C6orf132: variants seen among roughly 807,000 people sequenced by gnomAD.
The protein encoded by C6orf132 is chromosome 6 open reading frame 132, also known as uncharacterized protein C6orf132.
A neutral mutation model predicts 65.3 loss-of-function variants in C6orf132; 43 were observed. The observed-to-expected ratio is 0.66, with a 90% CI of 0.52 to 0.85. C6orf132 has a LOEUF of 0.85. Among genes scored for constraint, C6orf132 ranks in the 40% least tolerant of loss-of-function variants. The probability of loss-of-function intolerance (pLI) is 0.00; values close to 1 mark genes in which losing one functional copy is unlikely to be tolerated. For synonymous variants in C6orf132, 631 were observed against 654.1 expected (o/e 0.96, Z 0.54); for missense variants, 1,488 against 1,548.8 (o/e 0.96, Z 0.66).
At chr6:42,128,864 T>C in intron 1 of C6orf132, 86 bp from the exon 2 acceptor site, 1 of 959,338 alleles carries the variant, frequency 1.0e-6, no homozygotes, top group East Asian at 2.7e-5. Context: ...CAGCTCCCAG[T>C]GAGGAAAGCC....
chr6:42,121,473 T>C (rs2127476885), intron 2 of C6orf132, among the ~76,000 whole-genome samples: 1 of 152,352 alleles, frequency 6.6e-6, no homozygotes, highest in South Asian at 2.1e-4. Flanking sequence ...GCTCACCTGT[T>C]GCACCCCTGA....
chr6:42,123,944 G>A (rs1043757215), intron 2 of C6orf132, among the ~76,000 whole-genome samples: 2 of 152,242 alleles, frequency 1.3e-5, no homozygotes, highest in African/African-American at 4.8e-5. Context: ...AGAGGCGGAA[G>A]CAGAGCTCAA....
In C6orf132 at chr6:42,122,799, G is replaced by C. The variant is rs899522663; in HGVS notation, c.252+5873C>G. Among the ~76,000 whole-genome samples, 11 of 152,268 alleles carry C rather than the reference G, an allele frequency of 7.2e-5. No individual in the cohort carries two copies. In the South Asian group the frequency reaches 2.3e-3, roughly 32 times the overall value. ...TCTTCAGCAGCAAGGACTAAGGGAG[G>C]GGTGCAGGGCAGGCGAGGCCTCCTG... On this transcript the variant is annotated intron_variant, in intron 2 of 4. Coordinates refer to ENST00000341865, the MANE Select transcript of C6orf132 (RefSeq NM_001164446.3).
chr6:42,119,875 C>T (rs1316323829), intron 2 of C6orf132, among the ~76,000 whole-genome samples: 1 of 151,886 alleles, frequency 6.6e-6, no homozygotes, highest in Non-Finnish European at 1.5e-5. Flanking sequence ...GTGGGCTGAT[C>T]ACCTGAGGTT....
chr6:42,117,923 CAAA>C (rs556142891), intron 2 of C6orf132, among the ~76,000 whole-genome samples: 145 of 62,332 alleles, frequency 2.3e-3, no homozygotes, highest in Middle Eastern at 0.015. Context: ...AACCCTGTCA[CAAA>C]AAAAAAAAAA....
At position 42,106,021 on chromosome 6, in the gene C6orf132, G is replaced by A. The variant is rs34879933; in HGVS notation, c.1891C>T (p.Leu631Phe). The A allele has an allele frequency of 0.024, 36,449 of 1,537,222 alleles. 602 individuals are homozygous for A. Among genetic ancestry groups the A allele is most frequent in the South Asian group, 0.033 (2,740 of 84,060 alleles). The change falls in exon 4 of 5, where the codon CTC (leucine) becomes TTC (phenylalanine). Residue 631 changes from leucine to phenylalanine, a missense_variant. Leu to Phe is a conservative substitution (Grantham distance 22, BLOSUM62 0). Coordinates refer to ENST00000341865, the MANE Select transcript of C6orf132 (RefSeq NM_001164446.3). ...QSTTLLPTTS[L>F]QPKAMLGPAI... ...GGTCCCAACATAGCCTTGGGCTGGAGTGATGTAGTTGGCAGCAGGGTGGTG... is the reference window on the plus strand; with the variant it reads ...GGTCCCAACATAGCCTTGGGCTGGAATGATGTAGTTGGCAGCAGGGTGGTG...
intron 1 of C6orf132, among the ~76,000 whole-genome samples, chr6:42,133,795 A>G (rs1766893950): frequency 3.5e-5 from 3 of 86,004 alleles, no homozygotes; most frequent in African/African-American, 1.4e-4. Context: ...CTCCCTAACA[A>G]TTTCTCCCTC....
chr6:42,103,353 T>C lies in C6orf132; in HGVS notation c.*408A>G, dbSNP rs1211361668. On this transcript the variant is annotated 3_prime_UTR_variant, in exon 5 of 5. Transcript: ENST00000341865. The stretch of plus-strand genomic sequence containing the variant: ...AGGGCCTGACAGGCAATCACAGCTA[T>C]CTCGATGGGTTCCAGTTCAGTCAGT... 2 of 397,368 alleles carry C rather than the reference T, an allele frequency of 5.0e-6. No homozygotes were observed. The highest frequency in any genetic ancestry group is 4.1e-5 in the African/African-American group (2 of 48,636). 24.6% of individuals were successfully genotyped at this position (397,368 alleles called of 1,614,324 possible). A position where few individuals can be genotyped will look rare whatever the true frequency, so the allele number is the denominator to read the frequency against.
chr6:42,112,739 T>C (rs1013080073), intron 2 of C6orf132, among the ~76,000 whole-genome samples: 1 of 152,206 alleles, frequency 6.6e-6, no homozygotes, highest in Non-Finnish European at 1.5e-5. Context: ...GACCATGTCT[T>C]ATGGTATCCC....
chr6:42,142,011 G>A (rs952890487), intron 1 of C6orf132, among the ~76,000 whole-genome samples: 56 of 152,174 alleles, frequency 3.7e-4, no homozygotes, highest in African/African-American at 1.0e-3. Context: ...CCAAGAGGGG[G>A]AATTAAACAC....
At chr6:42,138,817 G>A (rs1038753509) in intron 1 of C6orf132, among the ~76,000 whole-genome samples, 3 of 144,032 alleles carry the variant, frequency 2.1e-5, no homozygotes, top group Non-Finnish European at 3.0e-5. Context: ...TGGGATTTGC[G>A]AAGATCCACA....
chr6:42,104,485 C>T lies in C6orf132; in HGVS notation c.3427G>A (p.Gly1143Ser), dbSNP rs1034061731. 3 of 1,231,596 alleles carry T rather than the reference C, an allele frequency of 2.4e-6. No individual in the cohort carries two copies. The highest frequency in any genetic ancestry group is 3.0e-6 in the Non-Finnish European group (3 of 988,138). 76.3% of individuals were successfully genotyped at this position (1,231,596 alleles called of 1,614,324 possible). A position where few individuals can be genotyped will look rare whatever the true frequency, so the allele number is the denominator to read the frequency against. The stretch of plus-strand genomic sequence containing the variant: ...CACCTGCCGGCAGCTGGGGCGAAGC[C>T]GTAGTCGGCGCTGCCGGGCGCTTTG... ...KHKAPGSADY[G>S]FAPAAGRSPY... The change falls in exon 4 of 5, where the codon GGC becomes AGC. Residue 1143 changes from glycine (G) to serine (S), a missense_variant. Coordinates refer to ENST00000341865, the MANE Select transcript of C6orf132 (RefSeq NM_001164446.3). This position sits in a 1 kb window ranked among gnomAD's most constrained non-coding sequence, Gnocchi z 4.1.
chr6:42,110,277 G>C lies in C6orf132; in HGVS notation c.267C>G (p.Asn89Lys). The stretch of plus-strand genomic sequence containing the variant: ...AGGGGGTGGGCACAGCCAGCCCATG[G>C]TTTTCCTGGGCATTCTGAAAGAGAC... Reference protein sequence around the residue: ...LTFLPLNAQENHGLAVPTPSV... With the variant: ...LTFLPLNAQEKHGLAVPTPSV... Residue 89 changes from asparagine to lysine, a missense_variant, in exon 3 of 5, where the codon AAC (asparagine) becomes AAG (lysine). Asn to Lys is a moderately conservative substitution (Grantham distance 94). Transcript: ENST00000341865. 6.5e-7 allele frequency: 1 copy of C among 1,548,984 alleles called. No individual in the cohort carries two copies. The highest frequency in any genetic ancestry group is 8.7e-7 in the Non-Finnish European group (1 of 1,146,012).
rs1435560315 is a variant in C6orf132 at position 42,105,599 on chromosome 6, G to A, written c.2313C>T (p.Pro771=). The A allele has an allele frequency of 2.0e-6, 3 of 1,536,888 alleles. 1 individual carries two copies. The change falls in exon 4 of 5, where the codon CCC becomes CCT. Residue 771 remains proline (P), a synonymous_variant. Coordinates refer to ENST00000341865, the MANE Select transcript of C6orf132 (RefSeq NM_001164446.3). ...GGGEVPCLYK[P]HCHQSSLSRE... is the part of the protein sequence containing the mutation. The stretch of plus-strand genomic sequence containing the variant: ...GGCTGAGGCTGCTCTGGTGGCAGTG[G>A]GGCTTGTAGAGACATGGCACCTCTC...
At chr6:42,133,897 TAC>T (rs60244910) in intron 1 of C6orf132, among the ~76,000 whole-genome samples, 8,876 of 136,994 alleles carry the variant, frequency 0.065, 901 homozygotes, top group African/African-American at 0.23. Flanking sequence ...TAAATATTAA[TAC>T]CATCTAACAT....
Position 42,110,205 on chromosome 6 carries a change from G to C in C6orf132, c.328+11C>G, listed in dbSNP as rs1436058578. 1.3e-6 allele frequency: 2 copies of C among 1,545,472 alleles called. No individual in the cohort carries two copies. Among genetic ancestry groups the C allele is most frequent in the Non-Finnish European group, 1.7e-6 (2 of 1,143,932 alleles). On this transcript the variant is annotated intron_variant, in intron 3 of 4. Transcript: ENST00000341865. ...AAAGATGGACAAGCCCCAAGCCCAG[G>C]GTTCACTTACCTGTCACTTCTTTGT...
intron 1 of C6orf132, among the ~76,000 whole-genome samples, chr6:42,132,856 C>CAAAAAAAAAA (rs529784118): frequency 1.3e-4 from 12 of 91,828 alleles, no homozygotes; most frequent in African/African-American, 5.1e-4. Context: ...GACTCTGTCT[C>CAAAAAAAAAA]AAAAAAAAAA....
intron 2 of C6orf132, among the ~76,000 whole-genome samples, chr6:42,123,256 G>A (rs867500457): frequency 2.6e-5 from 4 of 152,050 alleles, no homozygotes; most frequent in Admixed American, 6.6e-5. Context: ...GGTGGCAGAC[G>A]CCTGTAGTCT....
chr6:42,119,929 T>C (rs1766652642), intron 2 of C6orf132, among the ~76,000 whole-genome samples: 1 of 151,856 alleles, frequency 6.6e-6, no homozygotes, highest in Non-Finnish European at 1.5e-5. Context: ...AACTTGTCTC[T>C]ACTAAAAATA....
Sources: gnomAD v4.1 joint callset for allele counts (sites outside exome capture counted in the v4.1 genomes callset) on GRCh38, gnomAD v4.1.1 for gene constraint, Gnocchi (gnomAD v3.1) non-coding constraint, MANE v1.5 for transcripts, NCBI Gene and HGNC (gene_info 2026-07-23, HGNC 2026-07-21) for gene names.